The following DCDC1 variants were observed in gnomAD, a reference collection of about 807,000 sequenced individuals.
DCDC1 encodes the protein doublecortin domain containing 1.
In DCDC1, 200 loss-of-function variants were observed where a neutral mutation model predicts 178.3. That is an observed-to-expected ratio of 1.12 (90% CI 1.00 to 1.26). The LOEUF is 1.26. Ranked by LOEUF, DCDC1 falls within the 50% of genes most tolerant of loss-of-function variation. The probability of loss-of-function intolerance (pLI) is 0.00; values close to 1 mark genes in which losing one functional copy is unlikely to be tolerated. For synonymous variants in DCDC1, 690 were observed against 604.8 expected (o/e 1.14, Z -2.07); for missense variants, 1,983 against 1,749.2 (o/e 1.13, Z -2.38).
chr11:31,042,348 G>A (rs186200765), intron 20 of DCDC1, among the ~76,000 whole-genome samples: 16 of 152,216 alleles, frequency 1.1e-4, no homozygotes, highest in Non-Finnish European at 1.3e-4. Flanking sequence ...CCACATATCC[G>A]ATTTTTTGCT....
chr11:31,265,560 G>T lies in DCDC1; in HGVS notation c.1001C>A (p.Pro334Gln), dbSNP rs149393582. The stretch of plus-strand genomic sequence containing the variant: ...ATACAAATCATAAAAATATCTGGCT[G>T]GTAAATTTAGATTCATTCTTATTGT... ...TCTIRMNLNL[P>Q]ARYFYDLYGR... Residue 334 changes from proline (P) to glutamine (Q), a missense_variant, in exon 8 of 39, where the codon CCA (proline) becomes CAA (glutamine). Physicochemically the swap from Pro to Gln is moderately conservative, Grantham distance 76 (BLOSUM62 -1). Coordinates refer to ENST00000684477, the MANE Select transcript of DCDC1 (RefSeq NM_001387274.1). 7.7e-6 allele frequency: 11 copies of T among 1,432,754 alleles called. No homozygotes were observed. In the African/African-American group the frequency reaches 1.5e-4, roughly 19 times the overall value. The allele number at this position is 1,432,754 out of a possible 1,614,324, so 88.8% of individuals were successfully genotyped here. A position where few individuals can be genotyped will look rare whatever the true frequency, so the allele number is the denominator to read the frequency against.
intron 9 of DCDC1, among the ~76,000 whole-genome samples, chr11:31,209,555 G>C (rs286648): frequency 6.6e-6 from 1 of 152,032 alleles, no homozygotes; most frequent in Non-Finnish European, 1.5e-5. Context: ...ATAAACTCCA[G>C]TGAAATAAAA....
rs139890949 is a variant in DCDC1, at chr11:31,105,141, A to G, written c.1752-1372T>C. Among the ~76,000 whole-genome samples, 593 of 152,180 alleles carry G rather than the reference A, an allele frequency of 3.9e-3. 2 individuals carry two copies. The highest frequency in any genetic ancestry group is 0.016 in the South Asian group (77 of 4,828). The stretch of plus-strand genomic sequence containing the variant: ...AGACATATACATTTTAAACATTCCT[A>G]TGGTAGCAAAATGCTGTAATGGTTT... On this transcript the variant is annotated intron_variant, in intron 13 of 38. Coordinates refer to ENST00000684477, the MANE Select transcript of DCDC1 (RefSeq NM_001387274.1).
rs367740624 is a variant in DCDC1 at position 30,968,619 on chromosome 11, GTA to G, written c.2592-16053_2592-16052del. 4.9e-3 allele frequency among the ~76,000 whole-genome samples: 706 copies of G among 144,640 alleles called. 7 individuals carry two copies. The highest frequency in any genetic ancestry group is 0.015 in the African/African-American group (609 of 39,316). The allele number at this position is 144,640 out of a possible 152,430, so 94.9% of individuals were successfully genotyped here. On this transcript the variant is annotated intron_variant, in intron 20 of 38. Coordinates refer to ENST00000684477, the MANE Select transcript of DCDC1 (RefSeq NM_001387274.1). ...GTTTATATAAGAAAAAACAAAGTGT[GTA>G]TATATATATATGGTTTGATATTATC...
intron 1 of DCDC1, among the ~76,000 whole-genome samples, chr11:31,352,885 T>C (rs1241278467): frequency 6.6e-6 from 1 of 152,196 alleles, no homozygotes; most frequent in Admixed American, 6.5e-5. Flanking sequence ...CAGGTTTAAC[T>C]CAGATTACAG....
intron 7 of DCDC1, among the ~76,000 whole-genome samples, chr11:31,279,034 T>C (rs999397855): frequency 7.2e-5 from 11 of 152,144 alleles, no homozygotes; most frequent in African/African-American, 2.7e-4. Context: ...GATGACTATA[T>C]AGATCAATTT....
At chr11:30,925,793 T>C (rs1441894038) in intron 22 of DCDC1, among the ~76,000 whole-genome samples, 2 of 152,168 alleles carry the variant, frequency 1.3e-5, no homozygotes, top group African/African-American at 2.4e-5. Context: ...TTCTTTCTCC[T>C]ACCTAAAAAA....
chr11:31,330,282 A>T (rs1030645021), intron 2 of DCDC1, among the ~76,000 whole-genome samples: 2 of 152,126 alleles, frequency 1.3e-5, no homozygotes, highest in Non-Finnish European at 2.9e-5. Context: ...AGTTCTTTGT[A>T]GATTCTGGAT....
intron 7 of DCDC1, among the ~76,000 whole-genome samples, chr11:31,287,246 A>T (rs978277400): frequency 1.3e-5 from 2 of 151,982 alleles, no homozygotes; most frequent in Non-Finnish European, 2.9e-5. Context: ...CAAACAAAAA[A>T]AAACAAGTAC....
intron 20 of DCDC1, among the ~76,000 whole-genome samples, chr11:30,971,027 A>G (rs574737774): frequency 6.2e-4 from 95 of 152,212 alleles, no homozygotes; most frequent in Non-Finnish European, 1.0e-3. Flanking sequence ...CCACACACAC[A>G]CAAAGTTCCA....
rs559419650 is a variant in DCDC1 at position 31,359,210 on chromosome 11, T to G, written c.-125+10487A>C. 2.0e-5 allele frequency among the ~76,000 whole-genome samples: 3 copies of G among 152,006 alleles called. No individual in the cohort carries two copies. In the East Asian group the frequency reaches 5.8e-4, roughly 29 times the overall value. ...AAATGTCCAACAATGATAGACTGGA[T>G]TAAGAAAATGTGGCACATATACACC... On this transcript the variant is annotated intron_variant, in intron 1 of 38. Transcript: ENST00000684477.
intron 9 of DCDC1, among the ~76,000 whole-genome samples, chr11:31,145,883 C>T (rs1319041356): frequency 2.6e-5 from 4 of 152,084 alleles, no homozygotes; most frequent in Non-Finnish European, 4.4e-5. Flanking sequence ...TTATAAATCC[C>T]GTTTTGTCTT....
intron 38 of DCDC1, among the ~76,000 whole-genome samples, chr11:30,871,216 A>G (rs1426179002): frequency 6.6e-6 from 1 of 152,186 alleles, no homozygotes; most frequent in Non-Finnish European, 1.5e-5. Context: ...GGTAGGTGCC[A>G]TATCTTAGTG....
chr11:30,914,401 A>C (rs1945674072), intron 27 of DCDC1, among the ~76,000 whole-genome samples: 1 of 152,172 alleles, frequency 6.6e-6, no homozygotes, highest in African/African-American at 2.4e-5. Context: ...ACTGATTCAT[A>C]AGCCTTTTCA....
At position 31,107,084 on chromosome 11, in the gene DCDC1, T is replaced by G. The variant is rs1958899945; in HGVS notation, c.1588-124A>C. ...TCCAAACAAATGATAATTAAATTCA[T>G]ATAGAATGTTAAAAGAAGTGTGAAA... On this transcript the variant is annotated intron_variant, in intron 12 of 38. Coordinates refer to ENST00000684477, the MANE Select transcript of DCDC1 (RefSeq NM_001387274.1). 3 of 601,256 alleles carry G rather than the reference T, an allele frequency of 5.0e-6. No individual in the cohort carries two copies. The Admixed American group carries it at 9.0e-5, about 18-fold the overall frequency. The allele number at this position is 601,256 out of a possible 1,614,324, so 37.2% of individuals were successfully genotyped here. A position where few individuals can be genotyped will look rare whatever the true frequency, so the allele number is the denominator to read the frequency against.
intron 3 of DCDC1, among the ~76,000 whole-genome samples, chr11:31,321,517 G>C (rs1269444962): frequency 6.6e-6 from 1 of 152,106 alleles, no homozygotes; most frequent in East Asian, 1.9e-4. Flanking sequence ...TTCGGCTCGC[G>C]CACGGTGCAC....
rs754356046 is a variant in DCDC1 at position 31,110,378 on chromosome 11, T to C, written c.1486-17A>G. 7 of 696,996 alleles carry C rather than the reference T, an allele frequency of 1.0e-5. No homozygotes were observed. Among genetic ancestry groups the C allele is most frequent in the South Asian group, 9.0e-5 (6 of 66,706 alleles). 43.2% of individuals were successfully genotyped at this position (696,996 alleles called of 1,614,324 possible). On this transcript the variant is annotated splice_polypyrimidine_tract_variant and intron_variant, in intron 11 of 38. Coordinates refer to ENST00000684477, the MANE Select transcript of DCDC1 (RefSeq NM_001387274.1). The stretch of plus-strand genomic sequence containing the variant: ...TTCAAATACCTGAAAAATAAACATA[T>C]TCAAAAATAAAAATAAATACATGCA...
At position 30,909,119 on chromosome 11, in the gene DCDC1, G is replaced by GA. The variant is rs768430438; in HGVS notation, c.3748-4dup. The GA allele has an allele frequency of 1.0e-5, 16 of 1,596,064 alleles. No individual in the cohort carries two copies. The South Asian group carries it at 1.4e-4, about 13-fold the overall frequency. On this transcript the variant is annotated splice_region_variant and splice_polypyrimidine_tract_variant and intron_variant, in intron 28 of 38. Coordinates refer to ENST00000684477, the MANE Select transcript of DCDC1 (RefSeq NM_001387274.1). ...CCATTGTTGTACGGCTTATATTTCTGAAAAAAGAGGCAAAATATGGAGTCA... is the reference window on the plus strand; with the variant it reads ...CCATTGTTGTACGGCTTATATTTCTGAAAAAAAGAGGCAAAATATGGAGTCA...
At chr11:31,309,302 G>A (rs540702946) in intron 3 of DCDC1, among the ~76,000 whole-genome samples, 1 of 152,002 alleles carries the variant, frequency 6.6e-6, no homozygotes, top group Non-Finnish European at 1.5e-5. Flanking sequence ...CTGGGGAGAG[G>A]AGCAGCCTTC....
Sources: allele counts gnomAD v4.1 joint callset (sites outside exome capture counted in the v4.1 genomes callset), GRCh38; gene constraint gnomAD v4.1.1; transcripts MANE v1.5; gene names NCBI Gene and HGNC (gene_info 2026-07-23, HGNC 2026-07-21).